Variants in ATP6V1E1 observed in about 807,000 individuals in gnomAD.
The protein encoded by ATP6V1E1 is V-type proton ATPase subunit E 1.
ATP6V1E1 carries 21 observed loss-of-function variants against 35.2 expected under a neutral mutation model. That is an observed-to-expected ratio of 0.60 (90% CI 0.42 to 0.86). The LOEUF (loss-of-function observed/expected upper bound fraction) is 0.86, where lower values mean the gene tolerates loss of function less well. Among genes scored for constraint, ATP6V1E1 ranks in the 40% least tolerant of loss-of-function variants. The probability of loss-of-function intolerance (pLI) is 0.00; values close to 1 mark genes in which losing one functional copy is unlikely to be tolerated. For synonymous variants in ATP6V1E1, 83 were observed against 87.8 expected (o/e 0.95, Z 0.30); for missense variants, 183 against 272.6 (o/e 0.67, Z 2.32).
chr22:17,598,019 A>G, intron 7 of ATP6V1E1, 175 bp downstream of exon 7: 1 of 596,696 alleles, frequency 1.7e-6, no homozygotes, highest in Non-Finnish European at 3.0e-6. Context: ...AACAAGGGAG[A>G]GCAAGAGAGC....
intron 1 of ATP6V1E1, among the ~76,000 whole-genome samples, 171 bp downstream of exon 1, chr22:17,628,432 T>G (rs1383345672): frequency 6.6e-6 from 1 of 152,244 alleles, no homozygotes; most frequent in African/African-American, 2.4e-5. Flanking sequence ...TCACATGAGC[T>G]GCGGGGCAAA....
Position 17,612,734 on chromosome 22 carries a change from AATGTT to A in ATP6V1E1, c.276+73_276+77del. 2.7e-6 allele frequency: 3 copies of A among 1,118,536 alleles called. No individual in the cohort carries two copies. In the South Asian group the frequency reaches 4.8e-5, roughly 18 times the overall value. The allele number at this position is 1,118,536 out of a possible 1,614,324, so 69.3% of individuals were successfully genotyped here. ...AGATTATTCAATCAACTCCTTAATT[AATGTT>A]AACTAGTAATTTACAACAGGGAAAT... On this transcript the variant is annotated intron_variant, in intron 4 of 8. Transcript: ENST00000253413.
intron 1 of ATP6V1E1, among the ~76,000 whole-genome samples, chr22:17,620,875 A>G (rs2057873082): frequency 6.6e-6 from 1 of 152,134 alleles, no homozygotes; most frequent in African/African-American, 2.4e-5. Flanking sequence ...CATCCTGGCT[A>G]ACAGGGTGAA....
chr22:17,610,830 T>C (rs2057811971), intron 4 of ATP6V1E1, among the ~76,000 whole-genome samples: 1 of 152,228 alleles, frequency 6.6e-6, no homozygotes, highest in African/African-American at 2.4e-5. Context: ...GGAAGGGTTA[T>C]CACTGGTGGA....
rs1394028669 is a variant in ATP6V1E1 at position 17,616,996 on chromosome 22, C to T, written c.99+2465G>A. Among the ~76,000 whole-genome samples the T allele has an allele frequency of 9.6e-5, 6 of 62,232 alleles. 2 individuals carry two copies. Among genetic ancestry groups the T allele is most frequent in the African/African-American group, 3.6e-4 (5 of 13,812 alleles). 40.8% of individuals were successfully genotyped at this position (62,232 alleles called of 152,430 possible). A position where few individuals can be genotyped will look rare whatever the true frequency, so the allele number is the denominator to read the frequency against. ...CCGGGAGGCGGAGCTTGCAGTGAGCCGAGATCCCGCCACTGCACTCCAGCC... is the reference window on the plus strand; with the variant it reads ...CCGGGAGGCGGAGCTTGCAGTGAGCTGAGATCCCGCCACTGCACTCCAGCC... On this transcript the variant is annotated intron_variant, in intron 2 of 8. Coordinates refer to ENST00000253413, the MANE Select transcript of ATP6V1E1 (RefSeq NM_001696.4).
intron 6 of ATP6V1E1, among the ~76,000 whole-genome samples, chr22:17,599,792 C>T (rs940521536): frequency 1.3e-5 from 2 of 149,946 alleles, no homozygotes; most frequent in South Asian, 2.1e-4. Flanking sequence ...TGGTGGCACA[C>T]GCTTGTAATT....
chr22:17,614,516 C>CAA (rs2057832307), intron 2 of ATP6V1E1, among the ~76,000 whole-genome samples: 1 of 150,592 alleles, frequency 6.6e-6, no homozygotes, highest in Admixed American at 6.6e-5. Flanking sequence ...CACACACACA[C>CAA]AAAAATTAGC....
intron 2 of ATP6V1E1, chr22:17,618,925 G>C (rs5747282): frequency 2.3e-6 from 1 of 442,298 alleles, no homozygotes; most frequent in Non-Finnish European, 4.5e-6. Context: ...ACTTGAACCC[G>C]GGAGGCAGAG....
At chr22:17,625,424 A>G (rs1047577161) in intron 1 of ATP6V1E1, among the ~76,000 whole-genome samples, 2 of 151,376 alleles carry the variant, frequency 1.3e-5, no homozygotes. Context: ...TCGCCCGGCT[A>G]ATTTTGAATT....
chr22:17,625,554 T>C (rs990809789), intron 1 of ATP6V1E1, among the ~76,000 whole-genome samples: 7 of 139,614 alleles, frequency 5.0e-5, no homozygotes, highest in Middle Eastern at 3.9e-3. Context: ...GTGCTGGGAT[T>C]ACAGGCGTGA....
intron 1 of ATP6V1E1, among the ~76,000 whole-genome samples, chr22:17,626,640 T>A (rs1041380435): frequency 6.6e-6 from 1 of 151,936 alleles, no homozygotes; most frequent in African/African-American, 2.4e-5. Context: ...CAAGAAATTC[T>A]CCTGCCTCAG....
At chr22:17,601,742 G>C (rs1327018974) in intron 4 of ATP6V1E1, among the ~76,000 whole-genome samples, 1 of 152,158 alleles carries the variant, frequency 6.6e-6, no homozygotes. Flanking sequence ...GAGTAGATGA[G>C]ACTACAGGCG....
At chr22:17,612,723 ACTC>A in intron 4 of ATP6V1E1, 86 bp downstream of exon 4, 3 of 1,049,868 alleles carry the variant, frequency 2.9e-6, no homozygotes, top group Non-Finnish European at 4.1e-6. Context: ...TATTCAATCA[ACTC>A]CTTAATTAAT....
chr22:17,611,344 G>C (rs897418702), intron 4 of ATP6V1E1, among the ~76,000 whole-genome samples: 1 of 152,184 alleles, frequency 6.6e-6, no homozygotes, highest in Non-Finnish European at 1.5e-5. Context: ...ATCCCATGTG[G>C]CAAGATAAAC....
intron 4 of ATP6V1E1, among the ~76,000 whole-genome samples, chr22:17,601,654 C>G (rs919391616): frequency 6.6e-6 from 1 of 152,236 alleles, no homozygotes; most frequent in Admixed American, 6.5e-5. Flanking sequence ...CTAACCCAGG[C>G]TGGAGTGCAA....
intron 1 of ATP6V1E1, among the ~76,000 whole-genome samples, chr22:17,621,000 T>C (rs2057873982): frequency 2.0e-5 from 3 of 151,920 alleles, no homozygotes; most frequent in South Asian, 4.1e-4. Flanking sequence ...AGGCGAAGCT[T>C]GCAGTGAGCC....
At position 17,598,689 on chromosome 22, in the gene ATP6V1E1, G is replaced by A. The variant is rs1280997401; in HGVS notation, c.436-401C>T. The stretch of plus-strand genomic sequence containing the variant: ...TTCAACTGGCAGTTGCAGATGAGGG[G>A]GAGACAGCAGGCACCAGAAACAGCA... On this transcript the variant is annotated intron_variant, in intron 6 of 8. Coordinates refer to ENST00000253413, the MANE Select transcript of ATP6V1E1 (RefSeq NM_001696.4). Among the ~76,000 whole-genome samples the A allele has an allele frequency of 2.6e-5, 4 of 152,232 alleles. No homozygotes were observed. In the East Asian group the frequency reaches 5.8e-4, roughly 22 times the overall value.
intron 7 of ATP6V1E1, among the ~76,000 whole-genome samples, chr22:17,596,009 G>A (rs569992073): frequency 6.6e-6 from 1 of 152,170 alleles, no homozygotes; most frequent in Non-Finnish European, 1.5e-5. Flanking sequence ...GCGGGTGCCT[G>A]TAGTCCCAGC....
At chr22:17,620,964 A>AG (rs774395149) in intron 1 of ATP6V1E1, among the ~76,000 whole-genome samples, 3 of 152,094 alleles carry the variant, frequency 2.0e-5, no homozygotes, top group Non-Finnish European at 4.4e-5. Flanking sequence ...TGGGAGGCTG[A>AG]GGCAGGAGAA....
Sources: allele counts gnomAD v4.1 joint callset (sites outside exome capture counted in the v4.1 genomes callset), GRCh38; gene constraint gnomAD v4.1.1; transcripts MANE v1.5; gene names NCBI Gene and HGNC (gene_info 2026-07-23, HGNC 2026-07-21).